Variants in HLCS observed in about 807,000 individuals in gnomAD.
HLCS encodes biotin--protein ligase.
In HLCS, 53 loss-of-function variants were observed where a neutral mutation model predicts 75.0. The ratio of observed to expected loss-of-function variants is 0.71; its 90% CI spans 0.57 to 0.89. The LOEUF is 0.89. Among genes scored for constraint, HLCS ranks in the 40% least tolerant of loss-of-function variants. HLCS has a pLI of 0.00. For missense variants in HLCS, 966 were observed against 1,074.0 expected, an observed-to-expected ratio of 0.90 and a Z score of 1.41; for synonymous variants, 431 against 428.6, an observed-to-expected ratio of 1.01 and a Z score of -0.07.
rs114830046 is a variant in HLCS at position 36,798,452 on chromosome 21, T to C, written c.1893-31167A>G. Among the ~76,000 whole-genome samples the C allele has an allele frequency of 3.8e-3, 572 of 152,370 alleles. 2 individuals are homozygous for C. The highest frequency in any genetic ancestry group is 0.013 in the African/African-American group (526 of 41,590). ...CAGTTTGGGGTTATTCAAATAAAGC[T>C]GCTATGAATATCTACATACAGTCTT... On this transcript the variant is annotated intron_variant, in intron 6 of 10. Transcript: ENST00000674895.
intron 6 of HLCS, among the ~76,000 whole-genome samples, chr21:36,869,533 A>G (rs2146223127): frequency 6.6e-6 from 1 of 152,342 alleles, no homozygotes; most frequent in East Asian, 1.9e-4. Flanking sequence ...AGGATTACCC[A>G]TGCAAACTGC....
At chr21:36,900,829 CAA>C (rs2065208248) in intron 5 of HLCS, among the ~76,000 whole-genome samples, 1 of 151,986 alleles carries the variant, frequency 6.6e-6, no homozygotes, top group Non-Finnish European at 1.5e-5. Flanking sequence ...AACAGGGGCT[CAA>C]AAAAGAGCCC....
intron 7 of HLCS, among the ~76,000 whole-genome samples, chr21:36,766,306 AGCCACTATGCCTGGCC>A (rs2090030518): frequency 6.6e-6 from 1 of 152,216 alleles, no homozygotes; most frequent in African/African-American, 2.4e-5. Flanking sequence ...TATAGGCATG[AGCCACTATGCCTGGCC>A]TACTTTTCTT....
chr21:36,767,332 C>T (rs1359394968), intron 6 of HLCS, 47 bp from the exon 7 acceptor site: 7 of 1,563,158 alleles, frequency 4.5e-6, no homozygotes, highest in East Asian at 2.2e-5. Context: ...TGGACACGCC[C>T]GCGGCACCAA....
At chr21:36,819,010 C>T (rs919723462) in intron 6 of HLCS, among the ~76,000 whole-genome samples, 3 of 152,024 alleles carry the variant, frequency 2.0e-5, no homozygotes, top group Admixed American at 6.6e-5. Flanking sequence ...AAAGCAACGT[C>T]GATGCTAACG....
intron 6 of HLCS, among the ~76,000 whole-genome samples, chr21:36,777,819 G>A (rs1168635308): frequency 6.6e-6 from 1 of 152,106 alleles, no homozygotes; most frequent in Non-Finnish European, 1.5e-5. Flanking sequence ...TTGACCCACA[G>A]GGTTATGTGG....
chr21:36,946,100 T>G, intron 2 of HLCS: 2 of 985,194 alleles, frequency 2.0e-6, no homozygotes, highest in Non-Finnish European at 2.4e-6. Flanking sequence ...TAAAGTCCTT[T>G]AGAGCAAGTA....
At chr21:36,866,840 GT>G (rs71328516) in intron 6 of HLCS, among the ~76,000 whole-genome samples, 3,760 of 135,976 alleles carry the variant, frequency 0.028, 97 homozygotes, top group African/African-American at 0.078. Flanking sequence ...AATTTGAGTA[GT>G]TTTTTTTTTT....
intron 6 of HLCS, among the ~76,000 whole-genome samples, chr21:36,846,761 T>C (rs1163995834): frequency 9.2e-5 from 14 of 152,208 alleles, no homozygotes; most frequent in Admixed American, 8.5e-4. Context: ...CACTCAGGTC[T>C]GAGCAAGAAT....
At chr21:36,962,699 G>A (rs2068367045) in intron 1 of HLCS, among the ~76,000 whole-genome samples, 1 of 151,276 alleles carries the variant, frequency 6.6e-6, no homozygotes, top group African/African-American at 2.4e-5. Flanking sequence ...AGGCTGAGGT[G>A]GGAGGATCAC....
chr21:36,852,836 C>T (rs1170428752), intron 6 of HLCS, among the ~76,000 whole-genome samples: 1 of 152,190 alleles, frequency 6.6e-6, no homozygotes, highest in Non-Finnish European at 1.5e-5. Flanking sequence ...GAGGACATCA[C>T]TTCCTCATCC....
intron 1 of HLCS, among the ~76,000 whole-genome samples, chr21:36,978,821 C>T (rs564215386): frequency 6.6e-6 from 1 of 152,284 alleles, no homozygotes; most frequent in East Asian, 1.9e-4. Context: ...CCAGACACTG[C>T]GGCAAAACCA....
At chr21:36,923,519 C>G (rs1296478034) in intron 5 of HLCS, among the ~76,000 whole-genome samples, 1 of 152,288 alleles carries the variant, frequency 6.6e-6, no homozygotes, top group Non-Finnish European at 1.5e-5. Flanking sequence ...CAGCAAAGAC[C>G]GCAACGCACA....
intron 6 of HLCS, among the ~76,000 whole-genome samples, chr21:36,884,663 T>C (rs1361921596): frequency 6.6e-6 from 1 of 152,248 alleles, no homozygotes; most frequent in Non-Finnish European, 1.5e-5. Context: ...TCTTTATTGA[T>C]TATCTTTTCT....
intron 6 of HLCS, among the ~76,000 whole-genome samples, chr21:36,784,848 C>T (rs1051204235): frequency 6.6e-6 from 1 of 152,050 alleles, no homozygotes; most frequent in South Asian, 2.1e-4. Context: ...GTTATTTTCC[C>T]AGCTCTGTAC....
At chr21:36,778,967 C>T (rs1568996605) in intron 6 of HLCS, among the ~76,000 whole-genome samples, 1 of 152,076 alleles carries the variant, frequency 6.6e-6, no homozygotes, top group African/African-American at 2.4e-5. Flanking sequence ...CTCCAAGGAG[C>T]TCTGGTTCCT....
intron 8 of HLCS, among the ~76,000 whole-genome samples, chr21:36,761,140 G>A (rs1293477673): frequency 6.6e-6 from 1 of 152,246 alleles, no homozygotes; most frequent in East Asian, 1.9e-4. Context: ...CAGCCTATGT[G>A]TTGGTGCTAG....
chr21:36,846,555 C>T (rs1036994584), intron 6 of HLCS, among the ~76,000 whole-genome samples: 8 of 151,444 alleles, frequency 5.3e-5, no homozygotes, highest in African/African-American at 7.3e-5. Context: ...TTGTTTTTGG[C>T]GAAACAAAGA....
intron 6 of HLCS, chr21:36,804,359 G>T (rs565552239): frequency 6.6e-6 from 1 of 152,264 alleles, no homozygotes; most frequent in African/African-American, 2.4e-5. Flanking sequence ...GGAATTTCGA[G>T]CCACTGTGCT....
Sources: gnomAD v4.1 joint callset for allele counts (sites outside exome capture counted in the v4.1 genomes callset) on GRCh38, gnomAD v4.1.1 for gene constraint, MANE v1.5 for transcripts, NCBI Gene and HGNC (gene_info 2026-07-23, HGNC 2026-07-21) for gene names.